Variants in ANKS1B observed in about 807,000 individuals in gnomAD.
ANKS1B encodes ankyrin repeat and sterile alpha motif domain-containing protein 1B.
In ANKS1B, 36 loss-of-function variants were observed where a neutral mutation model predicts 148.3. That is an observed-to-expected ratio of 0.24 (90% CI 0.19 to 0.32). The LOEUF (loss-of-function observed/expected upper bound fraction) is 0.32, where lower values mean the gene tolerates loss of function less well. Ranked by LOEUF, ANKS1B falls within the 10% of genes least tolerant of loss-of-function variation. The pLI, the probability that ANKS1B is intolerant of heterozygous loss-of-function variation, is 1.00. For synonymous variants in ANKS1B, 542 were observed against 560.8 expected, an observed-to-expected ratio of 0.97 and a Z score of 0.47; for missense variants, 1,157 against 1,542.6, an observed-to-expected ratio of 0.75 and a Z score of 4.19.
intron 4 of ANKS1B, among the ~76,000 whole-genome samples, chr12:99,787,261 T>C (rs2065105289): frequency 6.6e-6 from 1 of 152,148 alleles, no homozygotes; most frequent in Non-Finnish European, 1.5e-5. Context: ...CCTCATGCTG[T>C]TCTCATGATA....
chr12:98,996,539 G>A (rs2099929727), intron 17 of ANKS1B, among the ~76,000 whole-genome samples: 1 of 152,094 alleles, frequency 6.6e-6, no homozygotes, highest in Non-Finnish European at 1.5e-5. Context: ...TACCAGCTGG[G>A]TGTGGTGGCT....
chr12:99,650,081 C>A (rs1322722208), intron 9 of ANKS1B: 1 of 152,364 alleles, frequency 6.6e-6, no homozygotes, highest in African/African-American at 2.4e-5. Context: ...GCTCTATTGA[C>A]AGGAAGGGTA....
At chr12:99,219,932 A>C (rs1283207452) in intron 14 of ANKS1B, among the ~76,000 whole-genome samples, 2 of 152,228 alleles carry the variant, frequency 1.3e-5, no homozygotes, top group Non-Finnish European at 2.9e-5. Context: ...AAATATTTTA[A>C]AAGTATTGGA....
chr12:99,273,743 A>G (rs1166458067), intron 12 of ANKS1B, among the ~76,000 whole-genome samples: 1 of 148,880 alleles, frequency 6.7e-6, no homozygotes, highest in African/African-American at 2.6e-5. Context: ...CACCCGGCTA[A>G]TTTTTTGTAT....
chr12:99,008,870 GA>G (rs2099937674), intron 17 of ANKS1B, among the ~76,000 whole-genome samples: 1 of 152,216 alleles, frequency 6.6e-6, no homozygotes, highest in Middle Eastern at 3.4e-3. Context: ...ACCCCTAGCA[GA>G]AACTCACTGG....
At chr12:99,680,910 G>A (rs773632296) in intron 8 of ANKS1B, among the ~76,000 whole-genome samples, 9 of 151,932 alleles carry the variant, frequency 5.9e-5, no homozygotes, top group Admixed American at 2.0e-4. Context: ...TATAATGTAC[G>A]AGAGGCAGCC....
intron 17 of ANKS1B, among the ~76,000 whole-genome samples, chr12:99,002,725 T>C (rs1302226730): frequency 2.6e-5 from 4 of 152,240 alleles, no homozygotes; most frequent in Non-Finnish European, 5.9e-5. Context: ...GTTCCTTGTA[T>C]ATTTCAGAAA....
At chr12:99,101,586 G>C (rs1487801768) in intron 15 of ANKS1B, among the ~76,000 whole-genome samples, 1 of 152,172 alleles carries the variant, frequency 6.6e-6, no homozygotes, top group African/African-American at 2.4e-5. Flanking sequence ...TTTTGAGACA[G>C]AGTCTCACTC....
chr12:98,979,749 G>A (rs943323617), intron 17 of ANKS1B, among the ~76,000 whole-genome samples: 6 of 151,842 alleles, frequency 4.0e-5, no homozygotes, highest in African/African-American at 9.7e-5. Context: ...ATGTGTGTGC[G>A]TGCGCTTATC....
At chr12:99,660,721 GT>G (rs915553912) in intron 8 of ANKS1B, among the ~76,000 whole-genome samples, 4 of 152,170 alleles carry the variant, frequency 2.6e-5, no homozygotes, top group South Asian at 4.2e-4. Context: ...TCAGAGAAAT[GT>G]TTTTTCATAT....
chr12:99,946,568 C>A (rs2095067729), intron 1 of ANKS1B, among the ~76,000 whole-genome samples: 1 of 152,154 alleles, frequency 6.6e-6, no homozygotes, highest in Non-Finnish European at 1.5e-5. Context: ...TCCCCAAATA[C>A]CATCACATTG....
At chr12:98,821,509 CTCTG>C (rs937313516) in intron 19 of ANKS1B, among the ~76,000 whole-genome samples, 10 of 144,930 alleles carry the variant, frequency 6.9e-5, no homozygotes, top group African/African-American at 2.4e-4. Flanking sequence ...GTCTCTCTCT[CTCTG>C]TCTCTCTCTC....
At chr12:99,953,593 G>GAA (rs5800394) in intron 1 of ANKS1B, among the ~76,000 whole-genome samples, 10 of 142,404 alleles carry the variant, frequency 7.0e-5, no homozygotes, top group East Asian at 2.0e-4. Flanking sequence ...GTTGTTTAAG[G>GAA]AAAAAAAAAA....
At chr12:99,744,029 C>T (rs993920368) in intron 8 of ANKS1B, among the ~76,000 whole-genome samples, 4 of 152,156 alleles carry the variant, frequency 2.6e-5, no homozygotes, top group Non-Finnish European at 4.4e-5. Context: ...ATGGGTTCCA[C>T]GTCTGCAGAC....
At chr12:99,503,118 G>T (rs1283186180) in intron 10 of ANKS1B, among the ~76,000 whole-genome samples, 1 of 152,078 alleles carries the variant, frequency 6.6e-6, no homozygotes, top group African/African-American at 2.4e-5. Flanking sequence ...TTAATTGTTT[G>T]TAGCAATGGG....
chr12:99,005,436 T>C (rs1303063529), intron 17 of ANKS1B, among the ~76,000 whole-genome samples: 2 of 152,186 alleles, frequency 1.3e-5, no homozygotes, highest in Non-Finnish European at 2.9e-5. Flanking sequence ...AATGGAAAGT[T>C]GACATGTATA....
At chr12:99,861,998 G>C (rs1238454921) in intron 1 of ANKS1B, among the ~76,000 whole-genome samples, 2 of 152,076 alleles carry the variant, frequency 1.3e-5, no homozygotes, top group African/African-American at 4.8e-5. Context: ...TGAAGCCAAA[G>C]ATTAAAATAA....
At chr12:99,218,371 G>T (rs2246683) in intron 14 of ANKS1B, among the ~76,000 whole-genome samples, 116,090 of 152,040 alleles carry the variant, frequency 0.76, 44,458 homozygotes, top group East Asian at 0.88. Flanking sequence ...ATCTGATTAC[G>T]AATTCATAGA....
chr12:99,668,525 T>G (rs572782631), intron 8 of ANKS1B, among the ~76,000 whole-genome samples: 2 of 152,224 alleles, frequency 1.3e-5, no homozygotes, highest in East Asian at 3.9e-4. Flanking sequence ...TAGCTTTACC[T>G]ACAAAGTTTA....
Sources: allele counts gnomAD v4.1 joint callset (sites outside exome capture counted in the v4.1 genomes callset), GRCh38; gene constraint gnomAD v4.1.1; transcripts MANE v1.5; gene names NCBI Gene and HGNC (gene_info 2026-07-23, HGNC 2026-07-21).